The following ZNF704 variants were observed in gnomAD, a reference collection of about 807,000 sequenced individuals.
ZNF704 encodes zinc finger protein 704.
A neutral mutation model predicts 44.7 loss-of-function variants in ZNF704; 10 were observed. The ratio of observed to expected loss-of-function variants is 0.22; its 90% CI spans 0.14 to 0.38. The LOEUF (loss-of-function observed/expected upper bound fraction) is 0.38. ZNF704 is among the 10% of genes least tolerant of loss of function. The pLI, the probability that ZNF704 is intolerant of heterozygous loss-of-function variation, is 1.00. For missense variants in ZNF704, 390 were observed against 545.5 expected (o/e 0.71, Z 2.84); for synonymous variants, 211 against 207.6 (o/e 1.02, Z -0.14).
chr8:80,651,821 T>C (rs548897052), intron 7 of ZNF704, among the ~76,000 whole-genome samples: 214 of 152,316 alleles, frequency 1.4e-3, no homozygotes, highest in African/African-American at 5.1e-3. Flanking sequence ...GTGGACCTAA[T>C]AGACATCTAC....
intron 4 of ZNF704, among the ~76,000 whole-genome samples, chr8:80,677,431 G>A (rs1048277363): frequency 3.3e-5 from 5 of 152,278 alleles, no homozygotes; most frequent in Admixed American, 1.3e-4. Context: ...TCAGGTAGAT[G>A]ATACATTTTG....
intron 2 of ZNF704, chr8:80,776,719 G>C (rs1207854831): frequency 6.6e-6 from 1 of 152,152 alleles, no homozygotes; most frequent in African/African-American, 2.4e-5. Flanking sequence ...ATTCACAGGT[G>C]TGATCCCATT....
chr8:80,775,288 G>T (rs1057191113), intron 2 of ZNF704, among the ~76,000 whole-genome samples: 2 of 152,076 alleles, frequency 1.3e-5, no homozygotes. Flanking sequence ...AAAGATTATG[G>T]GTTTTGTGAA....
chr8:80,788,410 G>A (rs147260506), intron 2 of ZNF704, among the ~76,000 whole-genome samples: 5 of 152,214 alleles, frequency 3.3e-5, no homozygotes, highest in East Asian at 3.9e-4. Context: ...AGAATGTTTC[G>A]TTTATTTGGG....
At chr8:80,725,236 C>T (rs1043929730) in intron 2 of ZNF704, among the ~76,000 whole-genome samples, 2 of 152,086 alleles carry the variant, frequency 1.3e-5, no homozygotes, top group African/African-American at 4.8e-5. Context: ...AAAGGCCAGT[C>T]CTTGAAGGGT....
chr8:80,706,041 G>A (rs185871645), intron 2 of ZNF704, among the ~76,000 whole-genome samples: 69 of 152,304 alleles, frequency 4.5e-4, no homozygotes, highest in African/African-American at 1.5e-3. Context: ...AGTACCCTGT[G>A]TCATTTGGGA....
At chr8:80,683,810 G>A (rs1467881008) in intron 4 of ZNF704, among the ~76,000 whole-genome samples, 2 of 152,250 alleles carry the variant, frequency 1.3e-5, no homozygotes, top group Admixed American at 6.5e-5. Context: ...TGTCTATGCA[G>A]TGTATCACAC....
intron 4 of ZNF704, among the ~76,000 whole-genome samples, chr8:80,678,832 T>C (rs1818408180): frequency 6.6e-6 from 1 of 152,324 alleles, no homozygotes; most frequent in Admixed American, 6.5e-5. Flanking sequence ...CCCAGGAGGC[T>C]GCATTAACAG....
chr8:80,882,281 C>A, the ZNF704 span, among the ~76,000 whole-genome samples: 3 of 152,212 alleles, frequency 2.0e-5, no homozygotes, highest in African/African-American at 7.2e-5. Context: ...TTACTTTAAT[C>A]ATGTCTTTTT....
chr8:80,747,918 T>C (rs1288963309), intron 2 of ZNF704, among the ~76,000 whole-genome samples: 2 of 152,192 alleles, frequency 1.3e-5, no homozygotes, highest in Non-Finnish European at 2.9e-5. Context: ...GGTTTCACCT[T>C]GTTGGCCAGG....
intron 1 of ZNF704, among the ~76,000 whole-genome samples, chr8:80,859,558 A>T (rs1809023635): frequency 6.6e-6 from 1 of 152,244 alleles, no homozygotes; most frequent in African/African-American, 2.4e-5. Context: ...TGCCAACAAC[A>T]CTAGCCACGT....
intron 2 of ZNF704, among the ~76,000 whole-genome samples, chr8:80,820,779 G>A (rs1808256806): frequency 6.6e-6 from 1 of 152,156 alleles, no homozygotes; most frequent in East Asian, 1.9e-4. Context: ...GCATATGCCT[G>A]TAGTCCCAGC....
At chr8:80,800,930 A>G (rs1206046951) in intron 2 of ZNF704, among the ~76,000 whole-genome samples, 1 of 152,196 alleles carries the variant, frequency 6.6e-6, no homozygotes, top group Non-Finnish European at 1.5e-5. Context: ...TCAAGGCCAA[A>G]GACACACATA....
intron 2 of ZNF704, among the ~76,000 whole-genome samples, chr8:80,809,918 T>C (rs1245003361): frequency 6.6e-6 from 1 of 152,168 alleles, no homozygotes; most frequent in Non-Finnish European, 1.5e-5. Context: ...CCAACCATTT[T>C]TTCCATGCAG....
chr8:80,707,568 A>C (rs1477012373), intron 2 of ZNF704, among the ~76,000 whole-genome samples: 1 of 152,250 alleles, frequency 6.6e-6, no homozygotes, highest in African/African-American at 2.4e-5. Flanking sequence ...ATTAGGTTGA[A>C]CCATATGAAA....
chr8:80,775,584 G>T (rs1350145295), intron 2 of ZNF704, among the ~76,000 whole-genome samples: 1 of 152,184 alleles, frequency 6.6e-6, no homozygotes, highest in Non-Finnish European at 1.5e-5. Context: ...GTAGGTAAAA[G>T]TTTTAGAACA....
intron 2 of ZNF704, among the ~76,000 whole-genome samples, chr8:80,696,858 G>T (rs1818734998): frequency 6.6e-6 from 1 of 152,186 alleles, no homozygotes; most frequent in African/African-American, 2.4e-5. Flanking sequence ...TACCCTAGGG[G>T]ACGCTGAACA....
At chr8:80,856,712 T>C (rs1246869258) in intron 1 of ZNF704, among the ~76,000 whole-genome samples, 1 of 152,184 alleles carries the variant, frequency 6.6e-6, no homozygotes, top group Non-Finnish European at 1.5e-5. Context: ...AATCCATCTG[T>C]CTATCTTGTA....
In ZNF704 at chr8:80,859,782, G is replaced by C. The variant is rs11985117; in HGVS notation, c.-22+14789C>G. On this transcript the variant is annotated intron_variant, in intron 1 of 8. Transcript: ENST00000327835. Reference sequence around the variant, plus strand: ...ACTTTGACTGTGCCTCCTTCTACTGGATGATTGGAAATGAGCCTGAACAGA... The same window carrying C: ...ACTTTGACTGTGCCTCCTTCTACTGCATGATTGGAAATGAGCCTGAACAGA... Among the ~76,000 whole-genome samples the C allele has an allele frequency of 3.8e-3, 586 of 152,220 alleles. 3 individuals carry two copies. The highest frequency in any genetic ancestry group is 0.013 in the African/African-American group (550 of 41,526).
Sources: gnomAD v4.1 joint callset for allele counts (sites outside exome capture counted in the v4.1 genomes callset) on GRCh38, gnomAD v4.1.1 for gene constraint, MANE v1.5 for transcripts, NCBI Gene and HGNC (gene_info 2026-07-23, HGNC 2026-07-21) for gene names.